Variants in NDUFAF7 observed in about 807,000 individuals in gnomAD.
The protein encoded by NDUFAF7 is NADH:ubiquinone oxidoreductase complex assembly factor 7.
In NDUFAF7, 48 loss-of-function variants were observed where a neutral mutation model predicts 47.2. The ratio of observed to expected loss-of-function variants is 1.02; its 90% CI spans 0.81 to 1.29. The LOEUF (loss-of-function observed/expected upper bound fraction) is 1.29. NDUFAF7 is among the 50% of genes most tolerant of loss of function. The probability of loss-of-function intolerance (pLI) is 0.00; values close to 1 mark genes in which losing one functional copy is unlikely to be tolerated. For missense variants in NDUFAF7, 635 were observed against 537.6 expected (o/e 1.18, Z -1.79); for synonymous variants, 217 against 190.0 (o/e 1.14, Z -1.17).
chr2:37,236,641 CG>C (rs1346043490), intron 3 of NDUFAF7, among the ~76,000 whole-genome samples: 2 of 151,770 alleles, frequency 1.3e-5, no homozygotes, highest in Non-Finnish European at 2.9e-5. Context: ...ATTAGCCGAG[CG>C]TGGTGGCGGT....
At chr2:37,245,747 C>T (rs1015616222) in intron 7 of NDUFAF7, among the ~76,000 whole-genome samples, 2 of 152,152 alleles carry the variant, frequency 1.3e-5, no homozygotes, top group African/African-American at 4.8e-5. Context: ...ATTTGTGATA[C>T]AAAAGTAATT....
At chr2:37,259,423 C>A in the NDUFAF7 span, among the ~76,000 whole-genome samples, 1 of 152,194 alleles carries the variant, frequency 6.6e-6, no homozygotes, top group Admixed American at 6.5e-5. Flanking sequence ...CATCTGAATT[C>A]ATTTAGTTAT....
downstream of NDUFAF7, chr2:37,251,037 A>C (rs1412260402): frequency 6.6e-6 from 1 of 152,574 alleles, no homozygotes; most frequent in African/African-American, 2.4e-5. Context: ...TAAGTATAGC[A>C]AACAAACATC....
intron 2 of NDUFAF7, 78 bp from the exon 3 acceptor site, chr2:37,236,018 T>C: frequency 8.5e-7 from 1 of 1,171,440 alleles, no homozygotes; most frequent in South Asian, 1.2e-5. Context: ...TTTTACATTA[T>C]TTAAGATTTT....
chr2:37,262,561 T>A, the NDUFAF7 span, among the ~76,000 whole-genome samples: 2 of 152,178 alleles, frequency 1.3e-5, no homozygotes, highest in African/African-American at 2.4e-5. Context: ...AAATACCCCA[T>A]AGTGGTGGGG....
chr2:37,259,637 G>C, the NDUFAF7 span: 1 of 1,613,582 alleles, frequency 6.2e-7, no homozygotes, highest in Non-Finnish European at 8.5e-7. Context: ...TTAAATCACA[G>C]TGCACAATAT....
In NDUFAF7 at chr2:37,241,516, T is replaced by A. The variant is rs565020375; in HGVS notation, c.409-62T>A. 45 of 1,328,716 alleles carry A rather than the reference T, an allele frequency of 3.4e-5. No homozygotes were observed. The East Asian group carries it at 9.9e-4, about 29-fold the overall frequency. 82.3% of individuals were successfully genotyped at this position (1,328,716 alleles called of 1,614,324 possible). ...GACATGACTAAATCATTGATGTAAA[T>A]GATTAGGAAACTTAAAACCTACTTA... On this transcript the variant is annotated intron_variant, in intron 4 of 9. Coordinates refer to ENST00000002125, the MANE Select transcript of NDUFAF7 (RefSeq NM_144736.5).
chr2:37,251,597 G>C (rs761161408), downstream of NDUFAF7: 1 of 152,008 alleles, frequency 6.6e-6, no homozygotes, highest in Non-Finnish European at 1.5e-5. Flanking sequence ...TTCTCAGTCT[G>C]TTCATGTACC....
the NDUFAF7 span, among the ~76,000 whole-genome samples, chr2:37,263,785 T>G: frequency 2.0e-5 from 3 of 152,172 alleles, no homozygotes; most frequent in Non-Finnish European, 4.4e-5. Flanking sequence ...CACCTCTGCT[T>G]CATCTTCACT....
At chr2:37,269,444 G>C in the NDUFAF7 span, 1 of 607,914 alleles carries the variant, frequency 1.6e-6, no homozygotes, top group South Asian at 2.0e-5. Context: ...TGACATTAAG[G>C]GAAGAATACT....
chr2:37,266,178 G>C, the NDUFAF7 span, among the ~76,000 whole-genome samples: 1 of 152,148 alleles, frequency 6.6e-6, no homozygotes, highest in South Asian at 2.1e-4. Context: ...CTCTGAAAAA[G>C]TGAGGTAAAT....
chr2:37,248,677 G>C lies in NDUFAF7; in HGVS notation c.*327G>C. 1 of 350,654 alleles carries C rather than the reference G, an allele frequency of 2.9e-6. No homozygotes were observed. The highest frequency in any genetic ancestry group is 5.5e-6 in the Non-Finnish European group (1 of 180,820). 21.7% of individuals were successfully genotyped at this position (350,654 alleles called of 1,614,324 possible). A position where few individuals can be genotyped will look rare whatever the true frequency, so the allele number is the denominator to read the frequency against. ...TGCCTGTAATCCCAGCACTTTGGGA[G>C]GCTGAGGTGGGCATATCACCTGAGG... On this transcript the variant is annotated 3_prime_UTR_variant, in exon 10 of 10. Transcript: ENST00000002125.
intron 4 of NDUFAF7, among the ~76,000 whole-genome samples, chr2:37,240,778 C>G (rs2148415501): frequency 6.6e-6 from 1 of 152,222 alleles, no homozygotes; most frequent in South Asian, 2.1e-4. Context: ...GGTTGTAAAG[C>G]AAATAGCCAG....
chr2:37,268,870 T>A, the NDUFAF7 span: 1 of 154,042 alleles, frequency 6.5e-6, no homozygotes, highest in Non-Finnish European at 1.4e-5. Flanking sequence ...AATCTGTAGA[T>A]GACTGTGAAC....
In NDUFAF7 at chr2:37,232,202, TAA is replaced by T. The variant is rs1665228465; in HGVS notation, c.154_155del (p.Lys52ValfsTer17). 1 of 1,613,878 alleles carries T rather than the reference TAA, an allele frequency of 6.2e-7. No individual in the cohort carries two copies. ...ATGCTGCGGCATCTTATGTACAAAA[TAA>T]AGTCTACTGGTCCCATCACTGTGGC... is the stretch of plus-strand genomic sequence containing the variant. On this transcript the variant is annotated frameshift_variant, in exon 2 of 10. Transcript: ENST00000002125. LOFTEE classifies it high-confidence loss of function.
chr2:37,260,594 G>A, the NDUFAF7 span, among the ~76,000 whole-genome samples: 48 of 152,294 alleles, frequency 3.2e-4, 1 homozygote, highest in African/African-American at 1.1e-3. Context: ...TGAGGGGATA[G>A]AATGTTCTCC....
At chr2:37,235,639 CTTAT>C (rs57466107) in intron 2 of NDUFAF7, among the ~76,000 whole-genome samples, 19 of 149,874 alleles carry the variant, frequency 1.3e-4, no homozygotes, top group East Asian at 5.9e-4. Context: ...ATTTCCCTTG[CTTAT>C]TTATTTATTT....
At chr2:37,253,329 G>C (rs1324262284), downstream of NDUFAF7, 2 of 1,612,108 alleles carry the variant, frequency 1.2e-6, no homozygotes, top group Non-Finnish European at 1.7e-6. Flanking sequence ...AATTCTCTAA[G>C]GTCAAGCCAA....
At chr2:37,236,959 A>T (rs191789877) in intron 3 of NDUFAF7, among the ~76,000 whole-genome samples, 19 of 152,248 alleles carry the variant, frequency 1.2e-4, no homozygotes, top group African/African-American at 4.6e-4. Flanking sequence ...TACTTACAGT[A>T]AAAGTCTTCT....
Sources: gnomAD v4.1 joint callset for allele counts (sites outside exome capture counted in the v4.1 genomes callset) on GRCh38, gnomAD v4.1.1 for gene constraint, MANE v1.5 for transcripts, NCBI Gene and HGNC (gene_info 2026-07-23, HGNC 2026-07-21) for gene names.